Variants in TGFBR3 observed in about 807,000 individuals in gnomAD.
The protein encoded by TGFBR3 is transforming growth factor beta receptor type 3.
A neutral mutation model predicts 87.9 loss-of-function variants in TGFBR3; 46 were observed. The ratio of observed to expected loss-of-function variants is 0.52; its 90% CI spans 0.41 to 0.67. The LOEUF is 0.67. TGFBR3 is among the 30% of genes least tolerant of loss of function. The pLI is 0.00. For missense variants in TGFBR3, 866 were observed against 1,041.9 expected, an observed-to-expected ratio of 0.83 and a Z score of 2.32; for synonymous variants, 381 against 391.6, an observed-to-expected ratio of 0.97 and a Z score of 0.32.
chr1:91,856,475 G>A (rs956498169), intron 2 of TGFBR3, among the ~76,000 whole-genome samples: 5 of 151,592 alleles, frequency 3.3e-5, no homozygotes, highest in African/African-American at 1.2e-4. Context: ...GAGAAGGAAA[G>A]AAAGGTTTTC....
chr1:91,820,816 T>C (rs1676423069), intron 2 of TGFBR3, among the ~76,000 whole-genome samples: 1 of 152,242 alleles, frequency 6.6e-6, no homozygotes. Flanking sequence ...ATGTAAAGAA[T>C]GATACAATTT....
At chr1:91,855,930 A>C (rs112232189) in intron 2 of TGFBR3, among the ~76,000 whole-genome samples, 6 of 151,988 alleles carry the variant, frequency 3.9e-5, no homozygotes, top group African/African-American at 1.4e-4. Flanking sequence ...AACCCAAGTA[A>C]ATCACCTAAG....
At chr1:91,728,601 G>C (rs1287478301) in intron 6 of TGFBR3, among the ~76,000 whole-genome samples, 1 of 152,094 alleles carries the variant, frequency 6.6e-6, no homozygotes, top group Admixed American at 6.6e-5. Flanking sequence ...TAAAATGCAT[G>C]GTATACTCCA....
intron 1 of TGFBR3, among the ~76,000 whole-genome samples, chr1:91,881,462 C>A (rs17886127): frequency 4.1e-4 from 62 of 152,262 alleles, no homozygotes; most frequent in African/African-American, 1.3e-3. Flanking sequence ...GGCATTTTGG[C>A]CCCCAGTCAT....
intron 1 of TGFBR3, among the ~76,000 whole-genome samples, chr1:91,878,518 A>G (rs1678947159): frequency 6.6e-6 from 1 of 152,224 alleles, no homozygotes; most frequent in Non-Finnish European, 1.5e-5. Flanking sequence ...AGTATGATAC[A>G]AATTTAAAAA....
intron 2 of TGFBR3, among the ~76,000 whole-genome samples, chr1:91,842,428 A>G (rs1677320359): frequency 6.6e-6 from 1 of 152,190 alleles, no homozygotes; most frequent in Non-Finnish European, 1.5e-5. Flanking sequence ...CCTGTCCCCC[A>G]CTGGTCCTGA....
intron 16 of TGFBR3, among the ~76,000 whole-genome samples, chr1:91,690,651 C>T (rs12133463): frequency 0.14 from 21,288 of 152,036 alleles, 1,640 homozygotes; most frequent in Non-Finnish European, 0.18. Flanking sequence ...ATTTGCTTTC[C>T]GGTGTCTATT....
At chr1:91,692,518 A>C (rs180945910) in intron 16 of TGFBR3, among the ~76,000 whole-genome samples, 3 of 152,298 alleles carry the variant, frequency 2.0e-5, no homozygotes, top group African/African-American at 7.2e-5. Flanking sequence ...TTCAAGAAAA[A>C]AACAGATAAG....
At chr1:91,735,071 G>A (rs879195964) in intron 4 of TGFBR3, 112 bp from the exon 5 acceptor site, 35 of 1,227,382 alleles carry the variant, frequency 2.9e-5, no homozygotes, top group Admixed American at 8.8e-5. Context: ...TCTTCCCTTT[G>A]TTATACAAGC....
intron 14 of TGFBR3, among the ~76,000 whole-genome samples, chr1:91,705,195 G>A (rs1283815607): frequency 6.6e-6 from 1 of 151,148 alleles, no homozygotes; most frequent in East Asian, 1.9e-4. Context: ...ATAAACCAAT[G>A]CAATTAGGCA....
intron 16 of TGFBR3, among the ~76,000 whole-genome samples, chr1:91,690,976 A>G (rs1278047823): frequency 6.6e-6 from 1 of 152,182 alleles, no homozygotes; most frequent in African/African-American, 2.4e-5. Flanking sequence ...CCCATGAAAC[A>G]AGAATAGAAC....
Position 91,682,201 on chromosome 1 carries a change from G to A in TGFBR3, c.*1538C>T, listed in dbSNP as rs1194827047. The A allele has an allele frequency of 4.4e-6, 2 of 453,906 alleles. No homozygotes were observed. Among genetic ancestry groups the A allele is most frequent in the African/African-American group, 4.0e-5 (2 of 49,986 alleles). The allele number at this position is 453,906 out of a possible 1,614,324, so 28.1% of individuals were successfully genotyped here. ...AAGCTTCATCAGGATTACCTACTGA[G>A]GTTCCATTCACAGACAACCAGGCAT... On this transcript the variant is annotated 3_prime_UTR_variant, in exon 17 of 17. Transcript: ENST00000212355.
At chr1:91,794,884 C>T (rs535077236) in intron 3 of TGFBR3, among the ~76,000 whole-genome samples, 40 of 152,320 alleles carry the variant, frequency 2.6e-4, no homozygotes, top group African/African-American at 8.9e-4. Flanking sequence ...TCACTTCTCT[C>T]GGGTATATAC....
chr1:91,682,619 A>C lies in TGFBR3; in HGVS notation c.*1120T>G, dbSNP rs1296326704. On this transcript the variant is annotated 3_prime_UTR_variant, in exon 17 of 17. Coordinates refer to ENST00000212355, the MANE Select transcript of TGFBR3 (RefSeq NM_003243.5). ...CTTGGTGGAATTGGTGACACTATTC[A>C]GATAACCAACTGGAGACCGACAGGA... 1.3e-5 allele frequency: 6 copies of C among 453,906 alleles called. No homozygotes were observed. Among genetic ancestry groups the C allele is most frequent in the Admixed American group, 2.3e-5 (1 of 42,556 alleles). 28.1% of individuals were successfully genotyped at this position (453,906 alleles called of 1,614,324 possible). A position where few individuals can be genotyped will look rare whatever the true frequency, so the allele number is the denominator to read the frequency against.
At chr1:91,839,965 T>C (rs1677206562) in intron 2 of TGFBR3, among the ~76,000 whole-genome samples, 1 of 149,100 alleles carries the variant, frequency 6.7e-6, no homozygotes. Context: ...GTACTACTTA[T>C]GCAACCCTTC....
intron 2 of TGFBR3, among the ~76,000 whole-genome samples, chr1:91,825,045 C>T (rs1190605269): frequency 1.3e-5 from 2 of 152,176 alleles, no homozygotes; most frequent in African/African-American, 4.8e-5. Flanking sequence ...AACCATATGA[C>T]CCAGCGATTC....
At chr1:91,852,345 C>T (rs1402263602) in intron 2 of TGFBR3, among the ~76,000 whole-genome samples, 1 of 152,202 alleles carries the variant, frequency 6.6e-6, no homozygotes. Flanking sequence ...GAGAAATGAA[C>T]TCACCTTTCT....
At chr1:91,803,816 CCTCA>C (rs924795874) in intron 2 of TGFBR3, among the ~76,000 whole-genome samples, 6 of 152,128 alleles carry the variant, frequency 3.9e-5, no homozygotes, top group East Asian at 1.9e-4. Flanking sequence ...CCCAAACCTC[CCTCA>C]CTGTGTTAGA....
chr1:91,759,603 A>G (rs1242367225), intron 3 of TGFBR3, among the ~76,000 whole-genome samples: 1 of 152,190 alleles, frequency 6.6e-6, no homozygotes, highest in African/African-American at 2.4e-5. Context: ...ACAAAGGGAT[A>G]TATAAGGAAA....
Sources: allele counts gnomAD v4.1 joint callset (sites outside exome capture counted in the v4.1 genomes callset), GRCh38; gene constraint gnomAD v4.1.1; transcripts MANE v1.5; gene names NCBI Gene and HGNC (gene_info 2026-07-23, HGNC 2026-07-21).